The following ROBO2 variants were observed in gnomAD, a reference collection of about 807,000 sequenced individuals.
ROBO2 encodes the protein roundabout homolog 2.
Under a neutral mutation model 160.8 loss-of-function variants are expected in ROBO2, and 53 were observed. That is an observed-to-expected ratio of 0.33 (90% CI 0.26 to 0.41). The LOEUF (loss-of-function observed/expected upper bound fraction) is 0.41, where lower values mean the gene tolerates loss of function less well. Among genes scored for constraint, ROBO2 ranks in the 10% least tolerant of loss-of-function variants. The pLI is 1.00. For synonymous variants in ROBO2, 664 were observed against 611.7 expected (o/e 1.09, Z -1.26); for missense variants, 1,577 against 1,722.4 (o/e 0.92, Z 1.49).
intron 2 of ROBO2, among the ~76,000 whole-genome samples, chr3:77,231,768 G>A (rs2087250554): frequency 6.6e-6 from 1 of 151,936 alleles, no homozygotes; most frequent in South Asian, 2.1e-4. Flanking sequence ...ACCTCTATTT[G>A]TTTTCTCTCC....
chr3:76,468,929 C>T (rs1255762922), intron 2 of ROBO2, among the ~76,000 whole-genome samples: 4 of 152,066 alleles, frequency 2.6e-5, no homozygotes, highest in African/African-American at 9.7e-5. Flanking sequence ...GTTCCTACTT[C>T]ACGTCTCTCT....
At chr3:76,009,052 A>G (rs1014069401) in intron 2 of ROBO2, among the ~76,000 whole-genome samples, 3 of 152,120 alleles carry the variant, frequency 2.0e-5, no homozygotes, top group Non-Finnish European at 4.4e-5. Flanking sequence ...CTCTCCAGAT[A>G]TGAGGCACAT....
chr3:76,391,087 T>C (rs528178452), intron 2 of ROBO2, among the ~76,000 whole-genome samples: 1 of 152,098 alleles, frequency 6.6e-6, no homozygotes, highest in Non-Finnish European at 1.5e-5. Flanking sequence ...AATTAATATG[T>C]TATAATAAAT....
intron 2 of ROBO2, among the ~76,000 whole-genome samples, chr3:76,306,476 T>G (rs1430195412): frequency 1.3e-5 from 2 of 152,148 alleles, no homozygotes; most frequent in Non-Finnish European, 2.9e-5. Context: ...TCAGGGGGTA[T>G]AATTAGAATA....
At chr3:76,459,993 T>G (rs1009082859) in intron 2 of ROBO2, among the ~76,000 whole-genome samples, 18 of 152,126 alleles carry the variant, frequency 1.2e-4, no homozygotes, top group Admixed American at 6.5e-4. Flanking sequence ...TGTAAGAATA[T>G]TACTATTAAA....
In ROBO2 at chr3:76,158,909, A is replaced by G. The variant is rs570994454; in HGVS notation, c.109+221307A>G. 7.2e-5 allele frequency among the ~76,000 whole-genome samples: 11 copies of G among 152,312 alleles called. No homozygotes were observed. The South Asian group carries it at 1.2e-3, about 17-fold the overall frequency. On this transcript the variant is annotated intron_variant, in intron 2 of 26. Transcript: ENST00000487694. The stretch of plus-strand genomic sequence containing the variant: ...AAATATAGTGTTACAGATTGTTTAT[A>G]TGTAAAATTCTGTATAATAATTCTT...
intron 2 of ROBO2, among the ~76,000 whole-genome samples, chr3:76,282,548 A>C (rs111335167): frequency 0.024 from 3,644 of 152,114 alleles, 74 homozygotes; most frequent in Non-Finnish European, 0.035. Flanking sequence ...GTTGCTTTGC[A>C]TTTTATGATT....
At chr3:77,367,775 A>C (rs781147148) in intron 2 of ROBO2, among the ~76,000 whole-genome samples, 1 of 152,268 alleles carries the variant, frequency 6.6e-6, no homozygotes, top group South Asian at 2.1e-4. Flanking sequence ...GGATTCTGCT[A>C]TAATGTTAAC....
rs947824518 is a variant in ROBO2, at chr3:76,891,202, T to A, written c.110-206812T>A. Among the ~76,000 whole-genome samples the A allele has an allele frequency of 2.6e-5, 4 of 152,152 alleles. No individual in the cohort carries two copies. The South Asian group carries it at 8.3e-4, about 31-fold the overall frequency. On this transcript the variant is annotated intron_variant, in intron 2 of 26. Transcript: ENST00000487694. ...TGTATTTTTCTTACCAGTATTTTGTTTAGAAGTTTGCAAATATGCTCAGAA... is the reference window on the plus strand; with the variant it reads ...TGTATTTTTCTTACCAGTATTTTGTATAGAAGTTTGCAAATATGCTCAGAA...
intron 4 of ROBO2, among the ~76,000 whole-genome samples, chr3:77,487,586 C>G (rs116624906): frequency 6.6e-6 from 1 of 152,056 alleles, no homozygotes; most frequent in African/African-American, 2.4e-5. Context: ...AATTCACATT[C>G]AATGACTATC....
At chr3:77,162,864 C>T (rs554647953) in intron 2 of ROBO2, among the ~76,000 whole-genome samples, 1 of 151,954 alleles carries the variant, frequency 6.6e-6, no homozygotes, top group Non-Finnish European at 1.5e-5. Flanking sequence ...GAGTCTTGCT[C>T]TGTCTCCCAG....
intron 2 of ROBO2, among the ~76,000 whole-genome samples, chr3:76,538,927 A>G (rs2082664830): frequency 6.6e-6 from 1 of 152,148 alleles, no homozygotes; most frequent in African/African-American, 2.4e-5. Context: ...TACAACAGCA[A>G]AGACTTGGAA....
At chr3:77,599,074 A>T (rs189559733) in intron 19 of ROBO2, among the ~76,000 whole-genome samples, 5 of 152,210 alleles carry the variant, frequency 3.3e-5, no homozygotes, top group African/African-American at 9.6e-5. Flanking sequence ...AATTTTCATG[A>T]TGTGAAATAT....
chr3:77,626,328 A>C (rs9857326), intron 23 of ROBO2, among the ~76,000 whole-genome samples: 3 of 151,996 alleles, frequency 2.0e-5, no homozygotes, highest in Non-Finnish European at 4.4e-5. Context: ...TGTTTATTTA[A>C]AGTGACCCAT....
intron 2 of ROBO2, among the ~76,000 whole-genome samples, chr3:76,764,607 G>A: frequency 6.6e-6 from 1 of 151,664 alleles, no homozygotes; most frequent in East Asian, 2.0e-4. Flanking sequence ...TTAGGCTATA[G>A]CTTTATCAAG....
chr3:76,192,526 A>C (rs1448347365), intron 2 of ROBO2, among the ~76,000 whole-genome samples: 1 of 29,048 alleles, frequency 3.4e-5, no homozygotes, highest in African/African-American at 1.5e-4. Flanking sequence ...ACACTCCACC[A>C]CACACACACA....
At chr3:76,638,249 A>C (rs1234294659) in intron 2 of ROBO2, among the ~76,000 whole-genome samples, 1 of 152,216 alleles carries the variant, frequency 6.6e-6, no homozygotes, top group Admixed American at 6.5e-5. Flanking sequence ...GATTCATGAA[A>C]GAGACAGTCC....
At chr3:76,403,627 T>G (rs1272374111) in intron 2 of ROBO2, among the ~76,000 whole-genome samples, 1 of 151,518 alleles carries the variant, frequency 6.6e-6, no homozygotes, top group Non-Finnish European at 1.5e-5. Context: ...ACCACTTCTG[T>G]ACAAGGTATG....
intron 2 of ROBO2, among the ~76,000 whole-genome samples, chr3:76,401,031 G>T (rs1344061105): frequency 6.6e-6 from 1 of 151,372 alleles, no homozygotes; most frequent in Non-Finnish European, 1.5e-5. Context: ...CACATTTTTT[G>T]AGTTTGAATA....
Sources: gnomAD v4.1 joint callset for allele counts (sites outside exome capture counted in the v4.1 genomes callset) on GRCh38, gnomAD v4.1.1 for gene constraint, MANE v1.5 for transcripts, NCBI Gene and HGNC (gene_info 2026-07-23, HGNC 2026-07-21) for gene names.